DLEU7: variants seen among roughly 807,000 people sequenced by gnomAD.
The protein encoded by DLEU7 is deleted in lymphocytic leukemia 7.
DLEU7 carries 17 observed loss-of-function variants against 16.0 expected under a neutral mutation model. That is an observed-to-expected ratio of 1.06 (90% CI 0.73 to 1.59). The LOEUF is 1.59. Ranked by LOEUF, DLEU7 falls within the 40% of genes most tolerant of loss-of-function variation. DLEU7 has a pLI of 0.00. For missense variants in DLEU7, 308 were observed against 314.9 expected (o/e 0.98, Z 0.17); for synonymous variants, 113 against 139.8 (o/e 0.81, Z 1.35).
intron 1 of DLEU7, among the ~76,000 whole-genome samples, chr13:50,721,186 G>A (rs951950487): frequency 8.5e-5 from 13 of 152,156 alleles, no homozygotes; most frequent in Admixed American, 6.5e-5. Context: ...TCCTGCCCTC[G>A]AACATCAGAC....
chr13:50,823,357 C>G lies in DLEU7; in HGVS notation c.623G>C (p.Cys208Ser). Residue 208 changes from cysteine to serine, a missense_variant, in exon 2 of 2, where the codon TGT (cysteine) becomes TCT (serine). Coordinates refer to ENST00000504404, the MANE Select transcript of DLEU7 (RefSeq NM_001306135.2). ...NFPSDAHMVA[C>S]ASLRQILQNL... ...CTGTAAGATCTGTCTCAAGGAAGCA[C>G]AGGCTACCATGTGGGCATCTGAAGG... 2 of 1,535,834 alleles carry G rather than the reference C, an allele frequency of 1.3e-6. No homozygotes were observed. The highest frequency in any genetic ancestry group is 1.7e-6 in the Non-Finnish European group (2 of 1,146,666).
chr13:50,795,098 G>A (rs7996793), intron 1 of DLEU7, among the ~76,000 whole-genome samples: 5,283 of 152,074 alleles, frequency 0.035, 308 homozygotes, highest in African/African-American at 0.12. Context: ...TCCTTGGCTT[G>A]TTTTGGGAAT....
At chr13:50,781,229 C>A (rs1203392431) in intron 1 of DLEU7, among the ~76,000 whole-genome samples, 1 of 152,090 alleles carries the variant, frequency 6.6e-6, no homozygotes, top group Non-Finnish European at 1.5e-5. Context: ...TTGTACCAAT[C>A]AATATTTACC....
chr13:50,742,620 A>G (rs1197115213), intron 1 of DLEU7, among the ~76,000 whole-genome samples: 2 of 152,196 alleles, frequency 1.3e-5, no homozygotes, highest in African/African-American at 4.8e-5. Flanking sequence ...CCAAGGCACC[A>G]AGATGAAGTA....
chr13:50,722,832 A>C (rs1258603971), intron 1 of DLEU7, among the ~76,000 whole-genome samples: 1 of 152,228 alleles, frequency 6.6e-6, no homozygotes, highest in African/African-American at 2.4e-5. Flanking sequence ...AATACTACAG[A>C]GATTCTGTGT....
intron 1 of DLEU7, among the ~76,000 whole-genome samples, chr13:50,789,070 C>T (rs1364169986): frequency 6.6e-6 from 1 of 151,936 alleles, no homozygotes; most frequent in Non-Finnish European, 1.5e-5. Context: ...AACAGAGCCT[C>T]GTCACAACAC....
intron 1 of DLEU7, among the ~76,000 whole-genome samples, chr13:50,767,368 A>G (rs1875148614): frequency 6.7e-6 from 1 of 149,826 alleles, no homozygotes; most frequent in Admixed American, 6.7e-5. Context: ...AGGCAGGAGA[A>G]TGGCGTGAAC....
At chr13:50,764,427 A>T (rs7331789) in intron 1 of DLEU7, among the ~76,000 whole-genome samples, 1 of 152,174 alleles carries the variant, frequency 6.6e-6, no homozygotes, top group Non-Finnish European at 1.5e-5. Context: ...TCCAGGAGTC[A>T]TTAACTAACA....
At chr13:50,788,837 G>A (rs999347400) in intron 1 of DLEU7, among the ~76,000 whole-genome samples, 1 of 152,022 alleles carries the variant, frequency 6.6e-6, no homozygotes, top group East Asian at 1.9e-4. Context: ...GCATCCTCAC[G>A]GACACCCTTT....
At chr13:50,745,963 A>G (rs915654869) in intron 1 of DLEU7, among the ~76,000 whole-genome samples, 26 of 152,216 alleles carry the variant, frequency 1.7e-4, no homozygotes, top group African/African-American at 5.8e-4. Context: ...TTTGAAAACC[A>G]TGATGAAGCC....
chr13:50,793,875 T>C (rs557453949), intron 1 of DLEU7, among the ~76,000 whole-genome samples: 2 of 152,214 alleles, frequency 1.3e-5, no homozygotes, highest in African/African-American at 2.4e-5. Flanking sequence ...ATTTGTCAAT[T>C]TCTAGTTTTA....
At chr13:50,713,496 A>G (rs1342273096) in intron 1 of DLEU7, among the ~76,000 whole-genome samples, 1 of 152,200 alleles carries the variant, frequency 6.6e-6, no homozygotes, top group Non-Finnish European at 1.5e-5. Context: ...TATACTTTAT[A>G]TTAATCTTTT....
chr13:50,721,197 T>TC (rs1235135863), intron 1 of DLEU7, among the ~76,000 whole-genome samples: 1 of 152,216 alleles, frequency 6.6e-6, no homozygotes, highest in African/African-American at 2.4e-5. Flanking sequence ...AACATCAGAC[T>TC]CCAAGTTCTT....
intron 1 of DLEU7, among the ~76,000 whole-genome samples, chr13:50,826,751 C>T (rs1264053106): frequency 4.6e-5 from 7 of 152,054 alleles, no homozygotes; most frequent in Admixed American, 2.0e-4. Context: ...CTAAACTCAT[C>T]GAGGCAAAAT....
intron 1 of DLEU7, among the ~76,000 whole-genome samples, chr13:50,830,167 G>T (rs535301815): frequency 6.6e-6 from 1 of 152,346 alleles, no homozygotes; most frequent in South Asian, 2.1e-4. Flanking sequence ...TGTAATTTCA[G>T]ACTCTGGATA....
downstream of DLEU7, among the ~76,000 whole-genome samples, chr13:50,821,187 CAG>C (rs1477689499): frequency 6.6e-6 from 1 of 152,088 alleles, no homozygotes; most frequent in East Asian, 1.9e-4. Context: ...GTTGAGTAGG[CAG>C]AGAGTTGGAC....
At chr13:50,798,097 C>T (rs1274454822) in intron 1 of DLEU7, among the ~76,000 whole-genome samples, 2 of 152,166 alleles carry the variant, frequency 1.3e-5, no homozygotes, top group Non-Finnish European at 2.9e-5. Context: ...GTTCACATGT[C>T]ATTCTGCAGG....
downstream of DLEU7, among the ~76,000 whole-genome samples, chr13:50,819,324 G>C (rs763615424): frequency 2.1e-4 from 32 of 152,106 alleles, no homozygotes; most frequent in African/African-American, 7.7e-4. Flanking sequence ...AAAGAGACTC[G>C]TGTCTTAGGT....
At chr13:50,723,901 T>C (rs1873692525) in intron 1 of DLEU7, among the ~76,000 whole-genome samples, 1 of 152,020 alleles carries the variant, frequency 6.6e-6, no homozygotes, top group Non-Finnish European at 1.5e-5. Context: ...TATACTTGTA[T>C]AGTTGAAAGT....
Sources: gnomAD v4.1 joint callset for allele counts (sites outside exome capture counted in the v4.1 genomes callset) on GRCh38, gnomAD v4.1.1 for gene constraint, MANE v1.5 for transcripts, NCBI Gene and HGNC (gene_info 2026-07-23, HGNC 2026-07-21) for gene names.